Variants in CDH23 observed in about 807,000 individuals in gnomAD.
CDH23 encodes the protein cadherin-23.
A neutral mutation model predicts 317.1 loss-of-function variants in CDH23; 189 were observed. That is an observed-to-expected ratio of 0.60 (90% CI 0.53 to 0.67). The LOEUF (loss-of-function observed/expected upper bound fraction) is 0.67, where lower values mean the gene tolerates loss of function less well. CDH23 is among the 30% of genes least tolerant of loss of function. The pLI is 0.00. For synonymous variants in CDH23, 1,839 were observed against 1,876.8 expected (o/e 0.98, Z 0.52); for missense variants, 4,401 against 4,592.4 (o/e 0.96, Z 1.20).
At chr10:71,779,522 T>C in intron 41 of CDH23, 75 bp downstream of exon 41, 1 of 1,311,972 alleles carries the variant, frequency 7.6e-7, no homozygotes, top group Non-Finnish European at 1.0e-6. Context: ...AGAAGGGAGG[T>C]CTCAAGGCAT....
At chr10:71,729,476 T>C (rs1839280772) in intron 30 of CDH23, among the ~76,000 whole-genome samples, 1 of 152,022 alleles carries the variant, frequency 6.6e-6, no homozygotes, top group Non-Finnish European at 1.5e-5. Context: ...GAGTCTTTGC[T>C]CTCCACGCCC....
At chr10:71,722,095 G>A (rs943485041) in intron 28 of CDH23, among the ~76,000 whole-genome samples, 2 of 152,208 alleles carry the variant, frequency 1.3e-5, no homozygotes, top group East Asian at 1.9e-4. Flanking sequence ...AGCAACGATA[G>A]GAAAGCCTAC....
At chr10:71,680,117 T>C (rs1864553259) in intron 17 of CDH23, among the ~76,000 whole-genome samples, 1 of 152,218 alleles carries the variant, frequency 6.6e-6, no homozygotes, top group African/African-American at 2.4e-5. Flanking sequence ...CAGCAGCCCT[T>C]GCCCCACCAG....
chr10:71,643,405 G>A (rs373022376), intron 11 of CDH23, among the ~76,000 whole-genome samples: 4 of 152,254 alleles, frequency 2.6e-5, no homozygotes, highest in South Asian at 2.1e-4. Flanking sequence ...TTTATGTTAG[G>A]AAAATAAAAA....
chr10:71,554,858 G>A (rs561023895), intron 6 of CDH23, among the ~76,000 whole-genome samples: 4 of 152,262 alleles, frequency 2.6e-5, no homozygotes, highest in African/African-American at 9.6e-5. Context: ...AAACACTGAG[G>A]CATCAGATGT....
At chr10:71,566,188 G>C (rs1857388386) in intron 6 of CDH23, among the ~76,000 whole-genome samples, 1 of 152,184 alleles carries the variant, frequency 6.6e-6, no homozygotes, top group African/African-American at 2.4e-5. Flanking sequence ...GAACAGGCAG[G>C]ACGTGAGCCT....
At chr10:71,465,787 A>G (rs1008525716) in intron 3 of CDH23, among the ~76,000 whole-genome samples, 1 of 152,234 alleles carries the variant, frequency 6.6e-6, no homozygotes, top group Non-Finnish European at 1.5e-5. Flanking sequence ...GGTGAGAGAA[A>G]GCAAACGGCC....
chr10:71,467,949 T>C (rs887673386), intron 3 of CDH23, among the ~76,000 whole-genome samples: 4 of 152,168 alleles, frequency 2.6e-5, no homozygotes, highest in Non-Finnish European at 5.9e-5. Context: ...TTATGGGAGC[T>C]CTGGCCTACC....
intron 9 of CDH23, among the ~76,000 whole-genome samples, chr10:71,592,550 T>G (rs2394831): frequency 0.018 from 2,730 of 152,214 alleles, 142 homozygotes; most frequent in East Asian, 0.18. Flanking sequence ...ACTGTGTTGT[T>G]CCGATCCCCT....
chr10:71,799,361 C>T, intron 51 of CDH23, 81 bp downstream of exon 51: 3 of 1,605,788 alleles, frequency 1.9e-6, no homozygotes, highest in Non-Finnish European at 2.6e-6. Flanking sequence ...TCCCACCCTG[C>T]CAGCCTCTAA....
At chr10:71,614,733 A>G (rs1861091636) in intron 9 of CDH23, among the ~76,000 whole-genome samples, 2 of 152,150 alleles carry the variant, frequency 1.3e-5, no homozygotes. Flanking sequence ...AGGACAAGAG[A>G]GAATGACAGA....
At chr10:71,756,534 A>G (rs1047925969) in intron 38 of CDH23, among the ~76,000 whole-genome samples, 1 of 152,228 alleles carries the variant, frequency 6.6e-6, no homozygotes, top group Non-Finnish European at 1.5e-5. Flanking sequence ...GTGCTGAGCC[A>G]AAGAGTATGT....
chr10:71,517,967 C>G (rs1006031245), intron 6 of CDH23, among the ~76,000 whole-genome samples: 2 of 152,150 alleles, frequency 1.3e-5, no homozygotes, highest in Admixed American at 1.3e-4. Flanking sequence ...CCATCGCCTG[C>G]GGCAGCCAGG....
Position 71,793,398 on chromosome 10 carries a change from C to T in CDH23, c.6470C>T (p.Thr2157Ile), listed in dbSNP as rs1385953170. 6.2e-7 allele frequency: 1 copy of T among 1,614,026 alleles called. No homozygotes were observed. The highest frequency in any genetic ancestry group is 2.2e-5 in the East Asian group (1 of 44,884). The change falls in exon 48 of 70, where the codon ACA becomes ATA. Residue 2157 changes from threonine to isoleucine, a missense_variant. Physicochemically the swap from Thr to Ile is moderately conservative, Grantham distance 89. Around this residue, in one of 3 missense-constraint regions of CDH23, gnomAD observed 3,068 missense variants for 3,203.3 expected, o/e 0.96. Coordinates refer to ENST00000224721, the MANE Select transcript of CDH23 (RefSeq NM_022124.6). Reference sequence around the variant, plus strand: ...CGGGGCACCGTTCCTCTCTCGGGCACAGCCATTGTCACCATTCTGATCGAT... The same window carrying T: ...CGGGGCACCGTTCCTCTCTCGGGCATAGCCATTGTCACCATTCTGATCGAT... ...TDRGTVPLSG[T>I]AIVTILIDDI...
chr10:71,418,132 C>A (rs1258045028), intron 1 of CDH23, among the ~76,000 whole-genome samples: 2 of 151,982 alleles, frequency 1.3e-5, no homozygotes, highest in Non-Finnish European at 2.9e-5. Flanking sequence ...AATTTTTAAG[C>A]CCATATTTGA....
chr10:71,790,698 G>C (rs764606055), intron 46 of CDH23: 1 of 498,322 alleles, frequency 2.0e-6, no homozygotes. Context: ...CTCCCCATGC[G>C]CAGGCCAGAG....
intron 22 of CDH23, among the ~76,000 whole-genome samples, chr10:71,700,086 GAAAAT>G (rs1865526287): frequency 6.6e-6 from 1 of 152,202 alleles, no homozygotes; most frequent in African/African-American, 2.4e-5. Flanking sequence ...AAAATAGGGA[GAAAAT>G]CATCTCTCCC....
intron 6 of CDH23, among the ~76,000 whole-genome samples, chr10:71,527,208 C>T (rs1227661080): frequency 6.6e-6 from 1 of 152,248 alleles, no homozygotes; most frequent in African/African-American, 2.4e-5. Context: ...GAGACAGCCT[C>T]CCGCCCCTGC....
Position 71,778,324 on chromosome 10 carries a change from A to C in CDH23, c.5187+16A>C. ...TACCACCACGGTGGGTGCATGGGAC[A>C]CAGCCCCAACTTGGGCTTGGAGGTT... On this transcript the variant is annotated intron_variant, in intron 40 of 69. Coordinates refer to ENST00000224721, the MANE Select transcript of CDH23 (RefSeq NM_022124.6). 2 of 1,613,784 alleles carry C rather than the reference A, an allele frequency of 1.2e-6. No individual in the cohort carries two copies. The highest frequency in any genetic ancestry group is 2.2e-5 in the South Asian group (2 of 91,034).
Sources: allele counts gnomAD v4.1 joint callset (sites outside exome capture counted in the v4.1 genomes callset), GRCh38; gene constraint gnomAD v4.1.1; regional missense constraint gnomAD v4.1.1; transcripts MANE v1.5; gene names NCBI Gene and HGNC (gene_info 2026-07-23, HGNC 2026-07-21).